Variants in SULT1B1 observed in about 807,000 individuals in gnomAD.
The protein encoded by SULT1B1 is sulfotransferase family 1B member 1.
A neutral mutation model predicts 34.6 loss-of-function variants in SULT1B1; 28 were observed. The ratio of observed to expected loss-of-function variants is 0.81; its 90% confidence interval spans 0.60 to 1.11. The LOEUF is 1.11. SULT1B1 is among the 50% of genes least tolerant of loss of function. The pLI is 0.00. For missense variants in SULT1B1, 374 were observed against 352.2 expected (o/e 1.06, Z -0.50); for synonymous variants, 147 against 110.2 (o/e 1.33, Z -2.09).
At chr4:69,742,019 T>C (rs1718571800) in intron 4 of SULT1B1, among the ~76,000 whole-genome samples, 1 of 152,220 alleles carries the variant, frequency 6.6e-6, no homozygotes, top group Admixed American at 6.5e-5. Context: ...TGTCATAGAC[T>C]GCTCTTATTA....
At chr4:69,742,863 ACCAGCATGGCC>A (rs1309050112) in intron 4 of SULT1B1, among the ~76,000 whole-genome samples, 1 of 152,204 alleles carries the variant, frequency 6.6e-6, no homozygotes, top group Non-Finnish European at 1.5e-5. Flanking sequence ...AGCTCCAGGC[ACCAGCATGGCC>A]CCAGCCTCAT....
rs1718037715 is a variant in SULT1B1, at chr4:69,730,576, C to T, written c.703G>A (p.Asp235Asn). Residue 235 changes from aspartate (D) to asparagine (N), a missense_variant, in exon 7 of 8, where the codon GAC (aspartate) becomes AAC (asparagine). Physicochemically the swap from Asp to Asn is conservative, Grantham distance 23. Transcript: ENST00000310613. ...IHHTSFEVMK[D>N]NPLVNYTHLP... ...TGTGTATAATTTACCAAAGGATTGT[C>T]CTTCATCACTTCAAATGAGGTGTGA... The T allele has an allele frequency of 6.2e-7, 1 of 1,613,226 alleles. No individual in the cohort carries two copies.
Position 69,740,409 on chromosome 4 carries a change from A to G in SULT1B1, c.376-6145T>C, listed in dbSNP as rs540135287. Among the ~76,000 whole-genome samples, 144 of 152,318 alleles carry G rather than the reference A, an allele frequency of 9.5e-4. 1 individual carries two copies. Among genetic ancestry groups the G allele is most frequent in the South Asian group, 3.5e-3 (17 of 4,818 alleles). On this transcript the variant is annotated intron_variant, in intron 4 of 7. Transcript: ENST00000310613. ...AGGGAGTTTTAGCAAGGGAAATGCCAGGTACTTATAAAACTATCAGGTCTT... is the reference window on the plus strand; with the variant it reads ...AGGGAGTTTTAGCAAGGGAAATGCCGGGTACTTATAAAACTATCAGGTCTT...
At chr4:69,750,824 A>G (rs1718952001) in intron 3 of SULT1B1, among the ~76,000 whole-genome samples, 1 of 152,220 alleles carries the variant, frequency 6.6e-6, no homozygotes, top group Non-Finnish European at 1.5e-5. Flanking sequence ...CAGAGATGTA[A>G]CTTGTTTTGT....
chr4:69,740,208 C>T (rs1161541958), intron 4 of SULT1B1, among the ~76,000 whole-genome samples: 1 of 152,166 alleles, frequency 6.6e-6, no homozygotes, highest in African/African-American at 2.4e-5. Context: ...TACCAATTTA[C>T]TGTATTAGTT....
rs1157096550 is a variant in SULT1B1, at chr4:69,724,899, A to G, written c.*2189T>C. The G allele has an allele frequency of 2.0e-5, 3 of 152,188 alleles. No homozygotes were observed. The highest frequency in any genetic ancestry group is 4.4e-5 in the Non-Finnish European group (3 of 68,040). 9.4% of individuals were successfully genotyped at this position (152,188 alleles called of 1,614,324 possible). A position where few individuals can be genotyped will look rare whatever the true frequency, so the allele number is the denominator to read the frequency against. On this transcript the variant is annotated 3_prime_UTR_variant, in exon 8 of 8. Coordinates refer to ENST00000310613, the MANE Select transcript of SULT1B1 (RefSeq NM_014465.4). ...GATGGATTAAAGACTTAAATGTAAG[A>G]CCTAAAACCATAAAAACCCTAGAAG...
chr4:69,727,908 T>C (rs895863642), intron 7 of SULT1B1, among the ~76,000 whole-genome samples: 2 of 152,174 alleles, frequency 1.3e-5, no homozygotes, highest in African/African-American at 4.8e-5. Flanking sequence ...GTACTGCCAA[T>C]ATTTTTAGAG....
At chr4:69,737,110 T>A (rs747653612) in intron 4 of SULT1B1, among the ~76,000 whole-genome samples, 1 of 151,734 alleles carries the variant, frequency 6.6e-6, no homozygotes, top group Non-Finnish European at 1.5e-5. Context: ...AAGCCAGATA[T>A]ACAGCACATT....
intron 6 of SULT1B1, among the ~76,000 whole-genome samples, chr4:69,732,285 T>A (rs896543306): frequency 2.0e-5 from 3 of 152,172 alleles, no homozygotes; most frequent in Non-Finnish European, 2.9e-5. Flanking sequence ...GGGCAGTGAA[T>A]AAAATCTCAG....
chr4:69,739,279 C>T (rs1490919444), intron 4 of SULT1B1, among the ~76,000 whole-genome samples: 1 of 152,224 alleles, frequency 6.6e-6, no homozygotes, highest in Admixed American at 6.5e-5. Flanking sequence ...CAGAGGTTCT[C>T]CATGAGAGCT....
At chr4:69,749,920 T>G in intron 3 of SULT1B1, 102 bp from the exon 4 acceptor site, 2 of 762,408 alleles carry the variant, frequency 2.6e-6, no homozygotes, top group Non-Finnish European at 4.6e-6. Flanking sequence ...GAGCATTATG[T>G]AATGCAGATA....
chr4:69,759,510 T>C (rs1024988343), intron 1 of SULT1B1, among the ~76,000 whole-genome samples: 2 of 152,192 alleles, frequency 1.3e-5, no homozygotes, highest in Admixed American at 1.3e-4. Context: ...TGTGAATATA[T>C]GCTAGTCACC....
chr4:69,735,069 C>T (rs564928685), intron 4 of SULT1B1, among the ~76,000 whole-genome samples: 3 of 152,178 alleles, frequency 2.0e-5, no homozygotes, highest in Non-Finnish European at 4.4e-5. Flanking sequence ...CCGCCCTCCT[C>T]GGCCTCCCAA....
intron 7 of SULT1B1, 102 bp downstream of exon 7, chr4:69,730,399 A>T: frequency 3.7e-6 from 4 of 1,093,474 alleles, no homozygotes; most frequent in Non-Finnish European, 3.8e-6. Context: ...TATAAAGCTT[A>T]AACAGGCTAA....
At chr4:69,730,712 C>G (rs1392204271) in intron 6 of SULT1B1, 31 bp from the exon 7 acceptor site, 13 of 1,572,028 alleles carry the variant, frequency 8.3e-6, no homozygotes. Context: ...AGACAATAAA[C>G]AAGTAACTCA....
intron 4 of SULT1B1, among the ~76,000 whole-genome samples, chr4:69,734,660 T>C (rs1362221385): frequency 6.6e-6 from 1 of 151,950 alleles, no homozygotes; most frequent in Non-Finnish European, 1.5e-5. Flanking sequence ...AAATAAAAGT[T>C]TTCACTTTTC....
chr4:69,758,965 C>CAGA (rs1719295208), intron 1 of SULT1B1, among the ~76,000 whole-genome samples: 1 of 152,208 alleles, frequency 6.6e-6, no homozygotes, highest in African/African-American at 2.4e-5. Context: ...AACCCAGAAT[C>CAGA]AGAATCTACA....
intron 1 of SULT1B1, chr4:69,760,239 G>A: frequency 3.0e-6 from 3 of 984,060 alleles, no homozygotes; most frequent in Non-Finnish European, 3.6e-6. Flanking sequence ...TTCCTTGCAT[G>A]CTTCAGTTCC....
intron 6 of SULT1B1, 85 bp downstream of exon 6, chr4:69,733,328 T>C (rs894146893): frequency 6.4e-6 from 6 of 933,434 alleles, no homozygotes; most frequent in Non-Finnish European, 6.3e-6. Context: ...TTGGACTCGA[T>C]AGACTAAGTT....
Sources: allele counts gnomAD v4.1 joint callset (sites outside exome capture counted in the v4.1 genomes callset), GRCh38; gene constraint gnomAD v4.1.1; transcripts MANE v1.5; gene names NCBI Gene and HGNC (gene_info 2026-07-23, HGNC 2026-07-21).